The following SCN3A variants were observed in gnomAD, a reference collection of about 807,000 sequenced individuals.
SCN3A encodes the protein sodium voltage-gated channel alpha subunit 3.
A neutral mutation model predicts 187.6 loss-of-function variants in SCN3A; 60 were observed. The observed-to-expected ratio is 0.32, with a 90% CI of 0.26 to 0.40. SCN3A has a LOEUF of 0.40. Among genes scored for constraint, SCN3A ranks in the 10% least tolerant of loss-of-function variants. SCN3A has a pLI of 1.00. For synonymous variants in SCN3A, 788 were observed against 829.2 expected (o/e 0.95, Z 0.85); for missense variants, 1,601 against 2,428.2 (o/e 0.66, Z 7.16).
chr2:165,099,494 G>A (rs1207604956), intron 22 of SCN3A, among the ~76,000 whole-genome samples: 6 of 152,072 alleles, frequency 3.9e-5, no homozygotes, highest in African/African-American at 9.7e-5. Context: ...CGAGGCGGGC[G>A]GATCATGAGG....
In SCN3A at chr2:165,170,447, G is replaced by T. The variant is rs372269218; in HGVS notation, c.366C>A (p.Ile122=). 49 of 1,601,950 alleles carry T rather than the reference G, an allele frequency of 3.1e-5. No homozygotes were observed. Among genetic ancestry groups the T allele is most frequent in the Non-Finnish European group, 2.6e-6 (3 of 1,169,750 alleles). The change falls in exon 4 of 28, where the codon ATC becomes ATA. Residue 122 remains isoleucine, a synonymous_variant. Transcript: ENST00000283254. ...TPLNPVRKIA[I]KILVHSLFSM... ...AAGGATATGAATGTACCAAAATCTT[G>T]ATAGCAATTTTCCTAACAGGGTTTA...
intron 14 of SCN3A, among the ~76,000 whole-genome samples, 162 bp from the exon 15 acceptor site, chr2:165,138,279 A>G (rs1408207418): frequency 6.6e-6 from 1 of 152,200 alleles, no homozygotes; most frequent in Non-Finnish European, 1.5e-5. Context: ...ATATTTTCAG[A>G]AAATGTTAAT....
intron 1 of SCN3A, among the ~76,000 whole-genome samples, chr2:165,190,596 A>G (rs1461654350): frequency 7.1e-6 from 1 of 141,302 alleles, no homozygotes; most frequent in African/African-American, 2.9e-5. Context: ...TTATATATAT[A>G]TAACTTTATA....
chr2:165,102,722 A>G (rs1685668203), intron 21 of SCN3A, among the ~76,000 whole-genome samples: 1 of 152,158 alleles, frequency 6.6e-6, no homozygotes, highest in Non-Finnish European at 1.5e-5. Context: ...ATAGTGCCAG[A>G]GTTGCAGCCA....
chr2:165,194,714 A>G (rs747665803), intron 1 of SCN3A, among the ~76,000 whole-genome samples: 1 of 152,114 alleles, frequency 6.6e-6, no homozygotes, highest in Non-Finnish European at 1.5e-5. Flanking sequence ...GAGAAATTCC[A>G]TACAAATTGC....
rs536185308 is a variant in SCN3A, at chr2:165,168,701, T to A, written c.473+35A>T. 2.2e-6 allele frequency: 3 copies of A among 1,369,076 alleles called. 1 individual carries two copies. The African/African-American group carries it at 4.3e-5, about 20-fold the overall frequency. 84.8% of individuals were successfully genotyped at this position (1,369,076 alleles called of 1,614,324 possible). ...AGGAGATTGCTAGAGAATTTGAGTG[T>A]GCATTTCTCATTCCCAGAAGTTATT... On this transcript the variant is annotated intron_variant, in intron 5 of 27. Transcript: ENST00000283254.
chr2:165,096,819 T>C (rs1273117651), intron 23 of SCN3A, among the ~76,000 whole-genome samples: 2 of 152,172 alleles, frequency 1.3e-5, no homozygotes, highest in East Asian at 3.8e-4. Flanking sequence ...GTGTAAGCTC[T>C]ATGATTTGCA....
chr2:165,155,165 T>C (rs538950387), intron 10 of SCN3A, among the ~76,000 whole-genome samples: 2 of 152,308 alleles, frequency 1.3e-5, no homozygotes, highest in South Asian at 4.1e-4. Context: ...GATTATCAAC[T>C]TCTAAGAGTC....
rs1692442394 is a variant in SCN3A, at chr2:165,203,418, A to C, written c.-248+405T>G. 7.9e-5 allele frequency among the ~76,000 whole-genome samples: 12 copies of C among 152,174 alleles called. No homozygotes were observed. In the South Asian group the frequency reaches 2.5e-3, roughly 32 times the overall value. On this transcript the variant is annotated intron_variant, in intron 1 of 27. Transcript: ENST00000283254. The stretch of plus-strand genomic sequence containing the variant: ...AAGCTGTTAAATAAAAAACTAAAGC[A>C]CAAGAATGATAGTTCCAATTTCACT...
At chr2:165,131,181 A>G in intron 16 of SCN3A, 63 bp downstream of exon 16, 3 of 1,048,614 alleles carry the variant, frequency 2.9e-6, no homozygotes, top group Non-Finnish European at 4.1e-6. Flanking sequence ...ATAAATATAC[A>G]TTGATTCAAT....
chr2:165,166,593 T>A (rs1361821249), intron 5 of SCN3A, among the ~76,000 whole-genome samples: 4 of 152,236 alleles, frequency 2.6e-5, no homozygotes, highest in African/African-American at 9.6e-5. Flanking sequence ...AATATGGTTT[T>A]GTGTATGCCA....
intron 1 of SCN3A, among the ~76,000 whole-genome samples, chr2:165,197,518 AG>A (rs1692039658): frequency 1.3e-5 from 2 of 151,312 alleles, no homozygotes; most frequent in African/African-American, 4.8e-5. Context: ...TCTGTGAATA[AG>A]CTGTTAATGT....
chr2:165,098,456 C>G (rs1323594282), intron 22 of SCN3A, among the ~76,000 whole-genome samples: 1 of 152,106 alleles, frequency 6.6e-6, no homozygotes, highest in African/African-American at 2.4e-5. Flanking sequence ...TAAACATTTC[C>G]TATGCTACTT....
intron 1 of SCN3A, among the ~76,000 whole-genome samples, chr2:165,191,078 T>G (rs892710796): frequency 1.3e-5 from 2 of 149,046 alleles, no homozygotes; most frequent in African/African-American, 4.9e-5. Flanking sequence ...TTTTTTTTTT[T>G]CAGGTTAGAA....
At chr2:165,141,041 G>A (rs1201963597) in intron 12 of SCN3A, 43 bp from the exon 13 acceptor site, 3 of 1,288,446 alleles carry the variant, frequency 2.3e-6, no homozygotes, top group Middle Eastern at 1.9e-4. Context: ...TGGGGGTAGG[G>A]GAAGAACGCA....
chr2:165,153,010 A>T (rs1253194475), intron 11 of SCN3A, among the ~76,000 whole-genome samples: 1 of 151,658 alleles, frequency 6.6e-6, no homozygotes, highest in Admixed American at 6.6e-5. Flanking sequence ...AAAAAAAAAA[A>T]AAAGAACAAA....
intron 9 of SCN3A, among the ~76,000 whole-genome samples, chr2:165,157,077 A>T (rs1013453017): frequency 2.6e-5 from 4 of 151,514 alleles, no homozygotes; most frequent in Admixed American, 6.6e-5. Context: ...CGCCCAGCTA[A>T]TTTTTTGTAT....
intron 21 of SCN3A, among the ~76,000 whole-genome samples, chr2:165,105,091 A>C (rs868490801): frequency 2.0e-5 from 3 of 152,318 alleles, no homozygotes; most frequent in African/African-American, 4.8e-5. Context: ...TGGTTGCTCA[A>C]AAACAGAGGG....
intron 18 of SCN3A, among the ~76,000 whole-genome samples, chr2:165,118,010 C>G (rs1020736356): frequency 6.6e-6 from 1 of 152,140 alleles, no homozygotes; most frequent in Non-Finnish European, 1.5e-5. Context: ...CAGCACAAGT[C>G]CTAATAACCA....
Sources: gnomAD v4.1 joint callset for allele counts (sites outside exome capture counted in the v4.1 genomes callset) on GRCh38, gnomAD v4.1.1 for gene constraint, MANE v1.5 for transcripts, NCBI Gene and HGNC (gene_info 2026-07-23, HGNC 2026-07-21) for gene names.